Variants in TFPI observed in about 807,000 individuals in gnomAD.
TFPI encodes the protein tissue factor pathway inhibitor, also known as anti-convertin.
Under a neutral mutation model 34.6 loss-of-function variants are expected in TFPI, and 15 were observed. The observed-to-expected ratio is 0.43, with a 90% CI of 0.29 to 0.67. The LOEUF is 0.67. TFPI is among the 30% of genes least tolerant of loss of function. The pLI, the probability that TFPI is intolerant of heterozygous loss-of-function variation, is 0.15. For synonymous variants in TFPI, 105 were observed against 120.1 expected (o/e 0.87, Z 0.82); for missense variants, 301 against 364.0 (o/e 0.83, Z 1.41).
intron 1 of TFPI, chr2:187,517,445 T>C (rs1332585642): frequency 1.3e-5 from 2 of 152,214 alleles, no homozygotes; most frequent in Non-Finnish European, 2.9e-5. Context: ...TTCCATGTAG[T>C]TGTGCAGTTT....
intron 1 of TFPI, among the ~76,000 whole-genome samples, chr2:187,508,071 C>A (rs1382561992): frequency 6.6e-6 from 1 of 152,132 alleles, no homozygotes; most frequent in Non-Finnish European, 1.5e-5. Flanking sequence ...ATAGGAAATC[C>A]TTTCCCCATT....
chr2:187,477,643 G>A (rs1038390630), intron 6 of TFPI, among the ~76,000 whole-genome samples: 1 of 152,140 alleles, frequency 6.6e-6, no homozygotes, highest in Admixed American at 6.6e-5. Flanking sequence ...ATAACAAGGA[G>A]ATAATAACAA....
rs1692178751 is a variant in TFPI, at chr2:187,473,436, G to T, written c.629-5504C>A. On this transcript the variant is annotated intron_variant, in intron 6 of 7. Coordinates refer to ENST00000233156, the MANE Select transcript of TFPI (RefSeq NM_006287.6). The stretch of plus-strand genomic sequence containing the variant: ...AGTTGAAAAAAAATACAAGAAAATA[G>T]TAAATGAGATATGCTAGAATGCCAA... Among the ~76,000 whole-genome samples, 3 of 152,068 alleles carry T rather than the reference G, an allele frequency of 2.0e-5. No homozygotes were observed. In the South Asian group the frequency reaches 6.2e-4, roughly 32 times the overall value.
At chr2:187,496,714 C>T (rs1244732535) in intron 3 of TFPI, among the ~76,000 whole-genome samples, 167 bp downstream of exon 3, 2 of 151,774 alleles carry the variant, frequency 1.3e-5, no homozygotes, top group African/African-American at 4.8e-5. Context: ...TTATCATTTT[C>T]CTTAAATGTT....
At chr2:187,511,763 A>T (rs930931437) in intron 1 of TFPI, among the ~76,000 whole-genome samples, 3 of 152,076 alleles carry the variant, frequency 2.0e-5, no homozygotes, top group African/African-American at 7.2e-5. Flanking sequence ...GATCCGCCTC[A>T]CAGTGGTTGA....
intron 1 of TFPI, among the ~76,000 whole-genome samples, chr2:187,539,962 G>C (rs1029868119): frequency 2.0e-5 from 3 of 147,580 alleles, no homozygotes; most frequent in Non-Finnish European, 4.4e-5. Context: ...GCAGTGGCTC[G>C]ATCTCGGCTC....
rs1036751682 is a variant in TFPI at position 187,506,473 on chromosome 2, TACTA to T, written c.-2-2707_-2-2704del. Among the ~76,000 whole-genome samples, 4 of 152,260 alleles carry T rather than the reference TACTA, an allele frequency of 2.6e-5. No individual in the cohort carries two copies. In the South Asian group the frequency reaches 6.2e-4, roughly 24 times the overall value. On this transcript the variant is annotated intron_variant, in intron 1 of 7. Transcript: ENST00000233156. ...TAATATACCAAAATTGATACATTGT[TACTA>T]ACTAAAGTCCATATGTTAATCAAAT...
In TFPI at chr2:187,466,970, A is replaced by G. The variant is rs1048296702; in HGVS notation, c.881T>C (p.Ile294Thr). The change falls in exon 8 of 8, where the codon ATA becomes ACA. Residue 294 changes from isoleucine to threonine, a missense_variant. Transcript: ENST00000233156. Reference protein sequence around the residue: ...KRKRKKQRVKIAYEEIFVKNM With the variant: ...KRKRKKQRVKTAYEEIFVKNM ...TTTAACAAAAATTTCTTCATATGCT[A>G]TTTTCACTCTCTGCTTCTTTCTTTT... 1.2e-4 allele frequency: 197 copies of G among 1,584,636 alleles called. 1 individual carries two copies. In the Admixed American group the frequency reaches 1.3e-3, roughly 11 times the overall value.
At chr2:187,525,449 C>T (rs759171629) in intron 1 of TFPI, among the ~76,000 whole-genome samples, 3 of 151,776 alleles carry the variant, frequency 2.0e-5, no homozygotes, top group Non-Finnish European at 2.9e-5. Flanking sequence ...TTTTTTTCTC[C>T]TTCCTCCCTC....
At chr2:187,494,005 C>T (rs1301205429) in intron 3 of TFPI, among the ~76,000 whole-genome samples, 2 of 152,310 alleles carry the variant, frequency 1.3e-5, no homozygotes, top group East Asian at 3.9e-4. Context: ...TTTCAGGTAT[C>T]TTTCCAGCAA....
At chr2:187,546,448 A>C (rs564750179) in intron 1 of TFPI, among the ~76,000 whole-genome samples, 1 of 152,084 alleles carries the variant, frequency 6.6e-6, no homozygotes, top group African/African-American at 2.4e-5. Context: ...AACAAATAAA[A>C]GTTAGCATTA....
intron 5 of TFPI, chr2:187,484,600 C>A (rs2106014399): frequency 2.0e-6 from 1 of 509,394 alleles, no homozygotes; most frequent in East Asian, 3.4e-5. Flanking sequence ...TTAAATAATG[C>A]AACATAAAAA....
intron 1 of TFPI, among the ~76,000 whole-genome samples, chr2:187,532,442 G>A (rs1688008985): frequency 6.6e-6 from 1 of 152,208 alleles, no homozygotes; most frequent in African/African-American, 2.4e-5. Context: ...AGCCGAAGCA[G>A]GGTGCTGCGT....
intron 2 of TFPI, among the ~76,000 whole-genome samples, chr2:187,498,358 C>A (rs372871973): frequency 6.6e-6 from 1 of 151,298 alleles, no homozygotes; most frequent in Non-Finnish European, 1.5e-5. Flanking sequence ...TGCACTCCAC[C>A]CATAATATAT....
chr2:187,469,831 TTTATA>T (rs1389294532), intron 6 of TFPI, among the ~76,000 whole-genome samples: 1 of 152,104 alleles, frequency 6.6e-6, no homozygotes, highest in African/African-American at 2.4e-5. Context: ...CTAAGAATCA[TTTATA>T]TTAGAGGAAT....
At chr2:187,501,783 C>T (rs1320545330) in intron 2 of TFPI, among the ~76,000 whole-genome samples, 1 of 151,974 alleles carries the variant, frequency 6.6e-6, no homozygotes, top group Non-Finnish European at 1.5e-5. Context: ...CTCTCCTAGC[C>T]CAATGGAATT....
At chr2:187,467,121 A>G (rs1327104366) in intron 7 of TFPI, 79 bp from the exon 8 acceptor site, 3 of 933,378 alleles carry the variant, frequency 3.2e-6, no homozygotes, top group Non-Finnish European at 4.7e-6. Flanking sequence ...TCTCAAAGTA[A>G]CTTTTAATAT....
intron 6 of TFPI, among the ~76,000 whole-genome samples, chr2:187,482,442 G>A (rs1692939819): frequency 6.6e-6 from 1 of 151,982 alleles, no homozygotes; most frequent in South Asian, 2.1e-4. Flanking sequence ...AGATAAGTCA[G>A]AATCACAAAA....
chr2:187,473,224 A>G (rs1480238767), intron 6 of TFPI, among the ~76,000 whole-genome samples: 2 of 152,120 alleles, frequency 1.3e-5, no homozygotes, highest in African/African-American at 2.4e-5. Flanking sequence ...CCATTGGGCA[A>G]ATATTTAAGA....
Sources: gnomAD v4.1 joint callset for allele counts (sites outside exome capture counted in the v4.1 genomes callset) on GRCh38, gnomAD v4.1.1 for gene constraint, MANE v1.5 for transcripts, NCBI Gene and HGNC (gene_info 2026-07-23, HGNC 2026-07-21) for gene names.